Variants in MDFIC2 observed in about 807,000 individuals in gnomAD.
The protein encoded by MDFIC2 is MyoD family inhibitor domain containing 2.
intron 2 of MDFIC2, among the ~76,000 whole-genome samples, chr3:70,288,750 G>C (rs907416151): frequency 6.6e-6 from 1 of 151,778 alleles, no homozygotes; most frequent in African/African-American, 2.4e-5. Flanking sequence ...CTCCTGTGTT[G>C]GGTGCATATA....
Position 70,289,968 on chromosome 3 carries a change from C to T in MDFIC2, c.88+21918G>A, listed in dbSNP as rs377598658. 2.0e-4 allele frequency among the ~76,000 whole-genome samples: 31 copies of T among 151,800 alleles called. 1 individual carries two copies. The highest frequency in any genetic ancestry group is 1.2e-4 in the African/African-American group (5 of 41,458). ...TTCTAGTTATACATTCTTCTAAATT[C>T]TTTTCAAAGTTTTCAACTTCTTTGC... On this transcript the variant is annotated intron_variant, in intron 2 of 3. Transcript: ENST00000567252.
In MDFIC2 at chr3:70,240,962, C is replaced by T. The variant is rs1020014702; in HGVS notation, c.89-34172G>A. On this transcript the variant is annotated intron_variant, in intron 2 of 3. Coordinates refer to ENST00000567252, the MANE Select transcript of MDFIC2 (RefSeq NM_001364677.1). ...TTTGATAAATGAGCCAAGTTAATAGCTTACTAGCTCATCTTGGCCTTTCAC... is the reference window on the plus strand; with the variant it reads ...TTTGATAAATGAGCCAAGTTAATAGTTTACTAGCTCATCTTGGCCTTTCAC... Among the ~76,000 whole-genome samples, 3 of 152,134 alleles carry T rather than the reference C, an allele frequency of 2.0e-5. No homozygotes were observed. The East Asian group carries it at 5.8e-4, about 29-fold the overall frequency.
chr3:70,257,467 T>G (rs938814732), intron 2 of MDFIC2, among the ~76,000 whole-genome samples: 3 of 149,976 alleles, frequency 2.0e-5, no homozygotes, highest in Admixed American at 6.7e-5. Flanking sequence ...AGCTGTAAGA[T>G]GGACAAAGAG....
chr3:70,203,209 C>T (rs1425087934), intron 3 of MDFIC2, among the ~76,000 whole-genome samples: 1 of 152,060 alleles, frequency 6.6e-6, no homozygotes, highest in Non-Finnish European at 1.5e-5. Context: ...ATACCAGCCC[C>T]AAGCCAGTAT....
chr3:70,307,014 G>T (rs956921860), intron 2 of MDFIC2, among the ~76,000 whole-genome samples: 1 of 152,080 alleles, frequency 6.6e-6, no homozygotes, highest in Non-Finnish European at 1.5e-5. Flanking sequence ...CAAATAGAGA[G>T]ATAGAGAGAA....
At chr3:70,246,684 C>T (rs1701710616) in intron 2 of MDFIC2, among the ~76,000 whole-genome samples, 1 of 151,878 alleles carries the variant, frequency 6.6e-6, no homozygotes, top group Non-Finnish European at 1.5e-5. Context: ...GGACACAATA[C>T]TAAAAAAAAT....
At chr3:70,218,829 G>C (rs1053585841) in intron 2 of MDFIC2, among the ~76,000 whole-genome samples, 1 of 152,158 alleles carries the variant, frequency 6.6e-6, no homozygotes. Context: ...AAGACCTACA[G>C]TTTGCTCTTT....
At chr3:70,218,350 G>C (rs1289249974) in intron 2 of MDFIC2, among the ~76,000 whole-genome samples, 9 of 152,092 alleles carry the variant, frequency 5.9e-5, no homozygotes, top group Non-Finnish European at 1.3e-4. Flanking sequence ...GATGCATATA[G>C]GCATGCATTA....
chr3:70,295,996 CATGT>C (rs1162997004), intron 2 of MDFIC2, among the ~76,000 whole-genome samples: 1 of 152,116 alleles, frequency 6.6e-6, no homozygotes, highest in Non-Finnish European at 1.5e-5. Context: ...GCTTTTTGTA[CATGT>C]ATTTAAAACT....
chr3:70,231,428 C>T (rs559293700), intron 2 of MDFIC2, among the ~76,000 whole-genome samples: 11 of 152,312 alleles, frequency 7.2e-5, no homozygotes, highest in African/African-American at 2.6e-4. Flanking sequence ...GAGCTCCCGA[C>T]GCCTTCCTGA....
At chr3:70,274,238 C>T (rs532872832) in intron 2 of MDFIC2, among the ~76,000 whole-genome samples, 1 of 152,010 alleles carries the variant, frequency 6.6e-6, no homozygotes, top group African/African-American at 2.4e-5. Flanking sequence ...TGTTTTAATA[C>T]TCTCAGTTAG....
chr3:70,267,603 A>G (rs1185608618), intron 2 of MDFIC2, among the ~76,000 whole-genome samples: 3 of 143,714 alleles, frequency 2.1e-5, no homozygotes, highest in African/African-American at 7.9e-5. Flanking sequence ...TTTTTAGTAA[A>G]GACGGGGTTT....
chr3:70,287,928 G>A (rs1306535654), intron 2 of MDFIC2, among the ~76,000 whole-genome samples: 24 of 152,068 alleles, frequency 1.6e-4, no homozygotes, highest in East Asian at 9.7e-4. Flanking sequence ...TTTTTATTGC[G>A]TCTATTTGAT....
chr3:70,307,208 T>G (rs569442901), intron 2 of MDFIC2, among the ~76,000 whole-genome samples: 4 of 152,258 alleles, frequency 2.6e-5, no homozygotes, highest in South Asian at 2.1e-4. Context: ...GGTGGTGGTG[T>G]TGTTATTGTT....
At chr3:70,307,203 T>G (rs988195095) in intron 2 of MDFIC2, among the ~76,000 whole-genome samples, 6 of 152,090 alleles carry the variant, frequency 3.9e-5, no homozygotes, top group Non-Finnish European at 7.4e-5. Flanking sequence ...GTTTTGGTGG[T>G]GGTGTTGTTA....
chr3:70,260,648 A>G (rs901077011), intron 2 of MDFIC2, among the ~76,000 whole-genome samples: 16 of 151,926 alleles, frequency 1.1e-4, no homozygotes, highest in Admixed American at 9.9e-4. Context: ...AAAGGTTACA[A>G]CTTCTGTCAG....
intron 2 of MDFIC2, among the ~76,000 whole-genome samples, chr3:70,241,257 A>G (rs1360913055): frequency 1.3e-5 from 2 of 152,202 alleles, no homozygotes; most frequent in African/African-American, 4.8e-5. Flanking sequence ...GTGTCTTTAT[A>G]TACTGGAGGC....
intron 2 of MDFIC2, among the ~76,000 whole-genome samples, chr3:70,287,064 A>C (rs1366027819): frequency 7.0e-6 from 1 of 143,520 alleles, no homozygotes; most frequent in Non-Finnish European, 1.5e-5. Context: ...TCTCCTGCCT[A>C]ATTGCCCTGG....
chr3:70,295,129 T>G (rs997109959), intron 2 of MDFIC2, among the ~76,000 whole-genome samples: 1 of 152,122 alleles, frequency 6.6e-6, no homozygotes, highest in African/African-American at 2.4e-5. Flanking sequence ...TCTTCCAACT[T>G]CTGAGATGGG....
Sources: gnomAD v4.1 joint callset for allele counts (sites outside exome capture counted in the v4.1 genomes callset) on GRCh38, gnomAD v4.1.1 for gene constraint, MANE v1.5 for transcripts, NCBI Gene and HGNC (gene_info 2026-07-23, HGNC 2026-07-21) for gene names.